NSD1: variants seen among roughly 807,000 people sequenced by gnomAD.
NSD1 encodes histone-lysine N-methyltransferase, H3 lysine-36 specific.
NSD1 carries 26 observed loss-of-function variants against 242.7 expected under a neutral mutation model. The ratio of observed to expected loss-of-function variants is 0.11; its 90% CI spans 0.08 to 0.15. NSD1 has a LOEUF of 0.15. Among genes scored for constraint, NSD1 ranks in the 10% least tolerant of loss-of-function variants. The probability of loss-of-function intolerance (pLI) is 1.00; values close to 1 mark genes in which losing one functional copy is unlikely to be tolerated. For synonymous variants in NSD1, 1,106 were observed against 1,178.1 expected, an observed-to-expected ratio of 0.94 and a Z score of 1.25; for missense variants, 2,495 against 3,272.8, an observed-to-expected ratio of 0.76 and a Z score of 5.80.
chr5:177,284,011 T>G, intron 20 of NSD1, 83 bp downstream of exon 20: 2 of 1,505,034 alleles, frequency 1.3e-6, no homozygotes, highest in Non-Finnish European at 1.8e-6. Context: ...CAGATTATAA[T>G]TTTAAACATT....
intron 5 of NSD1, among the ~76,000 whole-genome samples, chr5:177,224,212 A>G (rs1764457164): frequency 6.6e-6 from 1 of 152,184 alleles, no homozygotes; most frequent in Admixed American, 6.5e-5. Flanking sequence ...GCCAGTTATG[A>G]TTTTGATAGG....
intron 2 of NSD1, among the ~76,000 whole-genome samples, chr5:177,168,270 CTT>C (rs978072807): frequency 1.4e-4 from 22 of 151,942 alleles, no homozygotes; most frequent in African/African-American, 5.1e-4. Flanking sequence ...GATTTTTTAA[CTT>C]TATGATAGGG....
intron 2 of NSD1, among the ~76,000 whole-genome samples, chr5:177,158,285 CTT>C (rs1422854328): frequency 5.5e-5 from 5 of 90,840 alleles, no homozygotes; most frequent in Non-Finnish European, 1.0e-4. Flanking sequence ...TTCTTTCTTT[CTT>C]TCTTTCTTTC....
At chr5:177,266,122 G>A (rs1326040096) in intron 14 of NSD1, 2 of 1,115,358 alleles carry the variant, frequency 1.8e-6, no homozygotes, top group Non-Finnish European at 2.7e-6. Context: ...CTGGGAAGAT[G>A]AGGCTATTGG....
At chr5:177,290,572 T>C (rs1300872013) in intron 21 of NSD1, among the ~76,000 whole-genome samples, 1 of 151,740 alleles carries the variant, frequency 6.6e-6, no homozygotes, top group Non-Finnish European at 1.5e-5. Flanking sequence ...CACACCTGGC[T>C]AATTTTTTGT....
chr5:177,162,297 T>TAA (rs546547200), intron 2 of NSD1, among the ~76,000 whole-genome samples: 1 of 142,612 alleles, frequency 7.0e-6, no homozygotes, highest in Admixed American at 7.0e-5. Context: ...GACTCGGTCT[T>TAA]AAAAAAAAAA....
chr5:177,131,875 C>T (rs1477654706), upstream of NSD1, among the ~76,000 whole-genome samples: 2 of 152,314 alleles, frequency 1.3e-5, no homozygotes, highest in East Asian at 3.9e-4. Context: ...GCGGCCGGAT[C>T]CGGCTTTCTC....
At position 177,269,536 on chromosome 5, in the gene NSD1, G is replaced by A. The variant is rs1360159657; in HGVS notation, c.5304-66G>A. 2.2e-6 allele frequency: 3 copies of A among 1,372,564 alleles called. No individual in the cohort carries two copies. Among genetic ancestry groups the A allele is most frequent in the Non-Finnish European group, 3.1e-6 (3 of 965,074 alleles). 85.0% of individuals were successfully genotyped at this position (1,372,564 alleles called of 1,614,324 possible). On this transcript the variant is annotated intron_variant, in intron 15 of 22. Coordinates refer to ENST00000439151, the MANE Select transcript of NSD1 (RefSeq NM_022455.5). The surrounding 1 kb of genome is among the most constrained non-coding windows in gnomAD (Gnocchi z 5.1). The stretch of plus-strand genomic sequence containing the variant: ...ATTGCTAATCCTTACTTTTATATGA[G>A]TAGGTTATTTTCCTAATGCCTTGCA...
chr5:177,230,412 C>T (rs115413152), intron 5 of NSD1, among the ~76,000 whole-genome samples: 113 of 152,230 alleles, frequency 7.4e-4, no homozygotes, highest in African/African-American at 2.6e-3. Flanking sequence ...GTCTTTTGTG[C>T]TATCTGCTGG....
At chr5:177,255,947 G>T (rs1364229668) in intron 12 of NSD1, among the ~76,000 whole-genome samples, 1 of 152,136 alleles carries the variant, frequency 6.6e-6, no homozygotes, top group Non-Finnish European at 1.5e-5. Flanking sequence ...CATGTATTCA[G>T]TTAATTTCAG....
At chr5:177,191,823 G>A (rs1343841042) in intron 2 of NSD1, 61 bp from the exon 3 acceptor site, 1 of 1,564,498 alleles carries the variant, frequency 6.4e-7, no homozygotes, top group African/African-American at 1.4e-5. Context: ...TAATAGGAAT[G>A]ACAATAATGT....
chr5:177,222,824 G>A (rs545922484), intron 5 of NSD1, among the ~76,000 whole-genome samples: 2 of 151,904 alleles, frequency 1.3e-5, no homozygotes, highest in Admixed American at 1.3e-4. Flanking sequence ...CTCTTATTTG[G>A]GTTGTCTTTT....
At chr5:177,248,435 A>G (rs1766470029) in intron 11 of NSD1, 111 bp downstream of exon 11, 2 of 1,322,028 alleles carry the variant, frequency 1.5e-6, no homozygotes, top group Non-Finnish European at 2.1e-6. Context: ...CTTTTGGATG[A>G]TTCCAGTGGA....
At chr5:177,200,408 T>C (rs1174195008) in intron 3 of NSD1, among the ~76,000 whole-genome samples, 1 of 152,200 alleles carries the variant, frequency 6.6e-6, no homozygotes, top group Admixed American at 6.5e-5. Context: ...GTGCTGGGAC[T>C]ACAGGCCTGA....
chr5:177,204,002 G>A, intron 3 of NSD1, 118 bp from the exon 4 acceptor site: 1 of 966,796 alleles, frequency 1.0e-6, no homozygotes, highest in Non-Finnish European at 1.7e-6. Context: ...GTCTAGTTCA[G>A]TGGGCATGTT....
Position 177,210,405 on chromosome 5 carries a change from T to C in NSD1, c.2006T>C (p.Phe669Ser), listed in dbSNP as rs756033517. The change falls in exon 5 of 23, where the codon TTC (phenylalanine) becomes TCC (serine). Residue 669 changes from phenylalanine to serine, a missense_variant. Physicochemically the swap from Phe to Ser is radical, Grantham distance 155 (BLOSUM62 -2). Coordinates refer to ENST00000439151, the MANE Select transcript of NSD1 (RefSeq NM_022455.5). Reference sequence around the variant, plus strand: ...AGTGTCCTTGAAATTCCAGATGCTTTCGATAGAACAGAGAACATGTTATCT... The same window carrying C: ...AGTGTCCTTGAAATTCCAGATGCTTCCGATAGAACAGAGAACATGTTATCT... ...DNSVLEIPDA[F>S]DRTENMLSMQ... 6.2e-7 allele frequency: 1 copy of C among 1,614,146 alleles called. No homozygotes were observed. The highest frequency in any genetic ancestry group is 8.5e-7 in the Non-Finnish European group (1 of 1,180,036).
At chr5:177,179,721 A>G (rs560163147) in intron 2 of NSD1, among the ~76,000 whole-genome samples, 2 of 152,170 alleles carry the variant, frequency 1.3e-5, no homozygotes, top group African/African-American at 4.8e-5. Context: ...TGGAATTTCA[A>G]CAGAAGGATT....
At chr5:177,201,397 C>T (rs1390038483) in intron 3 of NSD1, among the ~76,000 whole-genome samples, 1 of 151,908 alleles carries the variant, frequency 6.6e-6, no homozygotes, top group African/African-American at 2.4e-5. Context: ...CTTAACATGC[C>T]ATGCAAACTC....
rs1012653431 is a variant in NSD1, at chr5:177,297,728, G to A, written c.*2269G>A. On this transcript the variant is annotated 3_prime_UTR_variant, in exon 23 of 23. Coordinates refer to ENST00000439151, the MANE Select transcript of NSD1 (RefSeq NM_022455.5). ...CGTGGAGAAGTTTGATTCTAAAGTA[G>A]CTTCTCTAAAGTAGGCTTTGGTAGG... 8.6e-6 allele frequency: 2 copies of A among 232,692 alleles called. No individual in the cohort carries two copies. Among genetic ancestry groups the A allele is most frequent in the Non-Finnish European group, 1.7e-5 (2 of 117,842 alleles). 14.4% of individuals were successfully genotyped at this position (232,692 alleles called of 1,614,324 possible).
Sources: gnomAD v4.1 joint callset for allele counts (sites outside exome capture counted in the v4.1 genomes callset) on GRCh38, gnomAD v4.1.1 for gene constraint, Gnocchi (gnomAD v3.1) non-coding constraint, MANE v1.5 for transcripts, NCBI Gene and HGNC (gene_info 2026-07-23, HGNC 2026-07-21) for gene names.